Variants in ASTN2 observed in about 807,000 individuals in gnomAD.
ASTN2 encodes astrotactin 2, also known as astrotactin-2.
ASTN2 carries 54 observed loss-of-function variants against 139.8 expected under a neutral mutation model. The observed-to-expected ratio is 0.39, with a 90% confidence interval of 0.31 to 0.48. The LOEUF (loss-of-function observed/expected upper bound fraction) is 0.48, where lower values mean the gene tolerates loss of function less well. Ranked by LOEUF, ASTN2 falls within the 20% of genes least tolerant of loss-of-function variation. ASTN2 has a pLI of 0.95. For missense variants in ASTN2, 1,565 were observed against 1,725.1 expected (o/e 0.91, Z 1.64); for synonymous variants, 756 against 719.5 (o/e 1.05, Z -0.81).
chr9:116,883,609 C>G (rs1833512848), intron 10 of ASTN2, among the ~76,000 whole-genome samples: 1 of 152,168 alleles, frequency 6.6e-6, no homozygotes, highest in Admixed American at 6.5e-5. Context: ...TAGGTATTTA[C>G]TCTTGGGAAT....
chr9:116,619,656 T>C (rs1379642606), intron 18 of ASTN2, among the ~76,000 whole-genome samples: 1 of 150,306 alleles, frequency 6.7e-6, no homozygotes. Flanking sequence ...CCATAGTAGC[T>C]GGGACTACAG....
At chr9:117,073,072 G>C (rs1258613676) in intron 5 of ASTN2, among the ~76,000 whole-genome samples, 1 of 152,180 alleles carries the variant, frequency 6.6e-6, no homozygotes, top group East Asian at 1.9e-4. Flanking sequence ...GAAAGTCAAA[G>C]ATGATATAGT....
intron 10 of ASTN2, among the ~76,000 whole-genome samples, chr9:116,964,266 CGCGT>C (rs1186984054): frequency 1.6e-5 from 2 of 128,894 alleles, no homozygotes; most frequent in African/African-American, 2.6e-5. Context: ...TGCGCGCGCG[CGCGT>C]GTGTGTTGAC....
chr9:116,490,790 G>T (rs765302782), intron 19 of ASTN2, among the ~76,000 whole-genome samples: 18 of 152,250 alleles, frequency 1.2e-4, no homozygotes, highest in Admixed American at 5.9e-4. Context: ...CTCCCTCGAG[G>T]TCCCTCCCAG....
chr9:117,274,337 G>A (rs538300718), intron 2 of ASTN2, among the ~76,000 whole-genome samples: 5 of 151,996 alleles, frequency 3.3e-5, no homozygotes, highest in Admixed American at 2.0e-4. Context: ...GCAACAGAGC[G>A]AGACTCCGTC....
In ASTN2 at chr9:117,414,835, A is replaced by T; in HGVS notation, c.104T>A (p.Leu35Gln). Residue 35 changes from leucine to glutamine, a missense_variant, in exon 1 of 23, where the codon CTG (leucine) becomes CAG (glutamine). Physicochemically the swap from Leu to Gln is moderately radical, Grantham distance 113 (BLOSUM62 -2). Coordinates refer to ENST00000313400, the MANE Select transcript of ASTN2 (RefSeq NM_001365068.1). This position sits in a 1 kb window ranked among gnomAD's most constrained non-coding sequence, Gnocchi z 4.2. ...CGGCAGCAGGAGCAGGAACAGCAGC[A>T]GCAGCGGCAGCAGTGGCGGCGGCCC... ...HPGPPPLLPL[L>Q]LLFLLLLPPP... The T allele has an allele frequency of 8.6e-7, 1 of 1,161,982 alleles. No individual in the cohort carries two copies. Among genetic ancestry groups the T allele is most frequent in the Non-Finnish European group, 1.1e-6 (1 of 939,126 alleles). 72.0% of individuals were successfully genotyped at this position (1,161,982 alleles called of 1,614,324 possible). A position where few individuals can be genotyped will look rare whatever the true frequency, so the allele number is the denominator to read the frequency against.
At chr9:116,458,254 T>C (rs986810860) in intron 20 of ASTN2, among the ~76,000 whole-genome samples, 18 of 151,348 alleles carry the variant, frequency 1.2e-4, no homozygotes, top group African/African-American at 4.4e-4. Context: ...GGTTGGTTAA[T>C]AGGCACAAAA....
chr9:117,033,922 C>T (rs1266643037), intron 6 of ASTN2, among the ~76,000 whole-genome samples: 1 of 152,130 alleles, frequency 6.6e-6, no homozygotes, highest in African/African-American at 2.4e-5. Context: ...CAGACATGCT[C>T]AATAATAGTA....
intron 6 of ASTN2, among the ~76,000 whole-genome samples, chr9:117,026,433 A>T (rs73657620): frequency 1.3e-5 from 2 of 152,116 alleles, no homozygotes; most frequent in African/African-American, 4.8e-5. Context: ...CCTCAACTCA[A>T]TTGGGCTTCT....
chr9:117,359,522 C>T (rs1238540576), intron 1 of ASTN2, among the ~76,000 whole-genome samples: 1 of 152,148 alleles, frequency 6.6e-6, no homozygotes, highest in Non-Finnish European at 1.5e-5. Context: ...TCTATGTACG[C>T]ATGTAGGTCC....
intron 19 of ASTN2, among the ~76,000 whole-genome samples, chr9:116,530,513 G>C (rs1564346115): frequency 6.6e-6 from 1 of 151,750 alleles, no homozygotes; most frequent in Non-Finnish European, 1.5e-5. Context: ...AGTATGTGAG[G>C]TAATGCATAT....
chr9:117,402,943 A>G (rs1830878522), intron 1 of ASTN2, among the ~76,000 whole-genome samples: 1 of 152,182 alleles, frequency 6.6e-6, no homozygotes, highest in Non-Finnish European at 1.5e-5. Context: ...TACAAAAACA[A>G]TCTAAACAGA....
At chr9:117,370,537 A>C (rs1223130150) in intron 1 of ASTN2, among the ~76,000 whole-genome samples, 2 of 152,202 alleles carry the variant, frequency 1.3e-5, no homozygotes, top group African/African-American at 4.8e-5. Context: ...TACCTAATTC[A>C]GTCATCTGAT....
chr9:116,932,958 A>C (rs549404386), intron 10 of ASTN2, among the ~76,000 whole-genome samples: 1 of 147,968 alleles, frequency 6.8e-6, no homozygotes, highest in South Asian at 2.2e-4. Context: ...GGGAGCCAAG[A>C]TTGAGCCACT....
At chr9:116,811,205 A>C (rs1831157412) in intron 12 of ASTN2, among the ~76,000 whole-genome samples, 1 of 151,450 alleles carries the variant, frequency 6.6e-6, no homozygotes, top group Admixed American at 6.6e-5. Context: ...TTGTTTTATA[A>C]TTCTTTTTAT....
chr9:116,934,137 T>C (rs1057390954), intron 10 of ASTN2, among the ~76,000 whole-genome samples: 1 of 152,048 alleles, frequency 6.6e-6, no homozygotes, highest in African/African-American at 2.4e-5. Context: ...CACAGTGTGC[T>C]GTTGTATATT....
chr9:116,743,086 C>T (rs1829136906), intron 13 of ASTN2, among the ~76,000 whole-genome samples: 1 of 152,118 alleles, frequency 6.6e-6, no homozygotes, highest in Admixed American at 6.5e-5. Context: ...CTTCCCTCAC[C>T]AACCTCTGCC....
At chr9:117,292,853 T>C (rs967042518) in intron 1 of ASTN2, among the ~76,000 whole-genome samples, 1 of 152,080 alleles carries the variant, frequency 6.6e-6, no homozygotes, top group African/African-American at 2.4e-5. Context: ...GAAGAGGAGA[T>C]GATACTACCA....
intron 2 of ASTN2, among the ~76,000 whole-genome samples, chr9:117,246,398 T>C (rs904558679): frequency 1.3e-5 from 2 of 152,210 alleles, no homozygotes; most frequent in Non-Finnish European, 2.9e-5. Flanking sequence ...CCTGGCACCA[T>C]GGCAAACTAG....
Sources: allele counts gnomAD v4.1 joint callset (sites outside exome capture counted in the v4.1 genomes callset), GRCh38; gene constraint gnomAD v4.1.1; non-coding constraint Gnocchi (gnomAD v3.1); transcripts MANE v1.5; gene names NCBI Gene and HGNC (gene_info 2026-07-23, HGNC 2026-07-21).